The following TNKS variants were observed in gnomAD, a reference collection of about 807,000 sequenced individuals.
The protein encoded by TNKS is tankyrase, also known as poly [ADP-ribose] polymerase tankyrase-1.
Under a neutral mutation model 135.8 loss-of-function variants are expected in TNKS, and 72 were observed. That is an observed-to-expected ratio of 0.53 (90% CI 0.44 to 0.64). The LOEUF is 0.64. Ranked by LOEUF, TNKS falls within the 30% of genes least tolerant of loss-of-function variation. The pLI is 0.00. For synonymous variants in TNKS, 849 were observed against 649.3 expected (o/e 1.31, Z -4.68); for missense variants, 1,769 against 1,674.0 (o/e 1.06, Z -0.99).
At chr8:9,761,446 C>T (rs1807143421) in intron 20 of TNKS, 70 bp from the exon 21 acceptor site, 1 of 1,507,634 alleles carries the variant, frequency 6.6e-7, no homozygotes, top group African/African-American at 1.4e-5. Flanking sequence ...GCATTGAAGG[C>T]AATTGGAAAA....
chr8:9,685,262 G>A (rs561478392), intron 5 of TNKS, among the ~76,000 whole-genome samples: 113 of 152,230 alleles, frequency 7.4e-4, no homozygotes, highest in Non-Finnish European at 1.4e-3. Flanking sequence ...AGGGCAAATA[G>A]ACTGTAAGGT....
chr8:9,689,658 C>T (rs952369146), intron 5 of TNKS, among the ~76,000 whole-genome samples: 1 of 152,182 alleles, frequency 6.6e-6, no homozygotes, highest in South Asian at 2.1e-4. Context: ...CTGCTCCTGG[C>T]TGTTTTTGGC....
intron 22 of TNKS, among the ~76,000 whole-genome samples, chr8:9,763,799 T>G (rs1807274379): frequency 6.6e-6 from 1 of 152,200 alleles, no homozygotes; most frequent in Admixed American, 6.5e-5. Flanking sequence ...TGACGGCTTA[T>G]GCATAAACAA....
At chr8:9,769,985 A>C in intron 25 of TNKS, 121 bp from the exon 26 acceptor site, 1 of 867,552 alleles carries the variant, frequency 1.2e-6, no homozygotes, top group Non-Finnish European at 1.7e-6. Context: ...CATAAATCTG[A>C]AAATGACATT....
At chr8:9,695,511 C>T (rs1385715194) in intron 5 of TNKS, among the ~76,000 whole-genome samples, 1 of 151,960 alleles carries the variant, frequency 6.6e-6, no homozygotes, top group Non-Finnish European at 1.5e-5. Flanking sequence ...TTGCTTATGG[C>T]CTTCTAGAAC....
chr8:9,677,382 A>G lies in TNKS; in HGVS notation c.995-2569A>G, dbSNP rs114514579. 2.1e-3 allele frequency among the ~76,000 whole-genome samples: 322 copies of G among 152,312 alleles called. 1 individual carries two copies. The highest frequency in any genetic ancestry group is 7.1e-3 in the African/African-American group (296 of 41,574). On this transcript the variant is annotated intron_variant, in intron 3 of 26. Transcript: ENST00000310430. ...CTTTTGGTGAAAACATCAATAAACTATGCTTGATGAGAAGTTCAGGTAGGG... is the reference window on the plus strand; with the variant it reads ...CTTTTGGTGAAAACATCAATAAACTGTGCTTGATGAGAAGTTCAGGTAGGG...
chr8:9,711,609 A>G (rs1168289061), intron 11 of TNKS, among the ~76,000 whole-genome samples: 1 of 152,210 alleles, frequency 6.6e-6, no homozygotes, highest in Non-Finnish European at 1.5e-5. Flanking sequence ...TTTAATGAAA[A>G]TAAAAGGGTT....
chr8:9,725,437 A>G (rs750285308), intron 12 of TNKS, among the ~76,000 whole-genome samples: 5 of 152,184 alleles, frequency 3.3e-5, no homozygotes, highest in Non-Finnish European at 7.3e-5. Context: ...ATTATGATCA[A>G]ATAAGTAGTT....
intron 3 of TNKS, among the ~76,000 whole-genome samples, chr8:9,653,937 C>T (rs992763986): frequency 7.9e-5 from 12 of 152,098 alleles, no homozygotes; most frequent in Admixed American, 2.0e-4. Flanking sequence ...TCTCCATTTC[C>T]TGTCTGCATC....
At chr8:9,624,123 C>G (rs1478371611) in intron 3 of TNKS, among the ~76,000 whole-genome samples, 1 of 152,124 alleles carries the variant, frequency 6.6e-6, no homozygotes, top group Non-Finnish European at 1.5e-5. Context: ...GTAATTAAAG[C>G]CACCAGGCTT....
At chr8:9,595,153 G>T (rs1259251004) in intron 2 of TNKS, among the ~76,000 whole-genome samples, 1 of 149,930 alleles carries the variant, frequency 6.7e-6, no homozygotes, top group East Asian at 1.9e-4. Context: ...ACGGAGTCTT[G>T]CTGTGTTGTC....
At chr8:9,568,370 AAT>A (rs1157618670) in intron 1 of TNKS, among the ~76,000 whole-genome samples, 2 of 152,194 alleles carry the variant, frequency 1.3e-5, no homozygotes, top group African/African-American at 4.8e-5. Context: ...TTATAGTAAA[AAT>A]GCAGTGTTTC....
Position 9,715,346 on chromosome 8 carries a change from G to T in TNKS, c.1750-5028G>T, listed in dbSNP as rs139449985. Among the ~76,000 whole-genome samples, 429 of 122,498 alleles carry T rather than the reference G, an allele frequency of 3.5e-3. 1 individual carries two copies. The highest frequency in any genetic ancestry group is 5.9e-3 in the Non-Finnish European group (326 of 55,508). 80.4% of individuals were successfully genotyped at this position (122,498 alleles called of 152,430 possible). ...TTCAAGGAAAGTAGCAAGGAAAGAG[G>T]TTGTACTAGCAGCAGGGGGGGCGGG... is the stretch of plus-strand genomic sequence containing the variant. On this transcript the variant is annotated intron_variant, in intron 11 of 26. Transcript: ENST00000310430.
chr8:9,663,196 T>G (rs148271331), intron 3 of TNKS, among the ~76,000 whole-genome samples: 1 of 152,238 alleles, frequency 6.6e-6, no homozygotes, highest in Non-Finnish European at 1.5e-5. Context: ...TTTAGACTTA[T>G]GACCTCCAGA....
At chr8:9,648,545 C>T (rs1347170394) in intron 3 of TNKS, among the ~76,000 whole-genome samples, 1 of 152,142 alleles carries the variant, frequency 6.6e-6, no homozygotes, top group African/African-American at 2.4e-5. Context: ...AAACCACTAA[C>T]ATATTCATTT....
rs139340880 is a variant in TNKS, at chr8:9,638,012, A to C, written c.994+22335A>C. On this transcript the variant is annotated intron_variant, in intron 3 of 26. Transcript: ENST00000310430. ...GAGATGGGATCTCGCTTTGTTGCCC[A>C]GGCTGGAGTGTACCGGCATGATCAT... is the stretch of plus-strand genomic sequence containing the variant. 2.6e-4 allele frequency among the ~76,000 whole-genome samples: 40 copies of C among 152,288 alleles called. No homozygotes were observed. In the East Asian group the frequency reaches 5.6e-3, roughly 21 times the overall value.
chr8:9,655,721 T>C (rs1283469462), intron 3 of TNKS, among the ~76,000 whole-genome samples: 1 of 151,712 alleles, frequency 6.6e-6, no homozygotes, highest in African/African-American at 2.4e-5. Context: ...AGAAAGGACA[T>C]CCACACCAAA....
chr8:9,642,054 G>T (rs1585266630), intron 3 of TNKS, among the ~76,000 whole-genome samples: 2 of 145,990 alleles, frequency 1.4e-5, no homozygotes, highest in Non-Finnish European at 3.0e-5. Context: ...GAAGTGTTTG[G>T]CTTAAATCTT....
intron 2 of TNKS, among the ~76,000 whole-genome samples, chr8:9,609,016 G>A (rs1166821657): frequency 7.2e-5 from 11 of 151,946 alleles, no homozygotes; most frequent in South Asian, 4.1e-4. Flanking sequence ...AAATTTTTTC[G>A]TTATATTTTT....
Sources: allele counts gnomAD v4.1 joint callset (sites outside exome capture counted in the v4.1 genomes callset), GRCh38; gene constraint gnomAD v4.1.1; transcripts MANE v1.5; gene names NCBI Gene and HGNC (gene_info 2026-07-23, HGNC 2026-07-21).